Variants in CCDC93 observed in about 807,000 individuals in gnomAD.
CCDC93 encodes CCC complex scaffolding subunit CCDC93, also known as coiled-coil domain-containing protein 93.
A neutral mutation model predicts 108.2 loss-of-function variants in CCDC93; 61 were observed. The observed-to-expected ratio is 0.56, with a 90% confidence interval of 0.46 to 0.70. The LOEUF (loss-of-function observed/expected upper bound fraction) is 0.70. CCDC93 is among the 30% of genes least tolerant of loss of function. The probability of loss-of-function intolerance (pLI) is 0.00; values close to 1 mark genes in which losing one functional copy is unlikely to be tolerated. For missense variants in CCDC93, 685 were observed against 764.2 expected, an observed-to-expected ratio of 0.90 and a Z score of 1.22; for synonymous variants, 276 against 260.4, an observed-to-expected ratio of 1.06 and a Z score of -0.58.
At chr2:117,960,815 T>C (rs1183746672) in intron 11 of CCDC93, among the ~76,000 whole-genome samples, 4 of 152,220 alleles carry the variant, frequency 2.6e-5, no homozygotes, top group African/African-American at 7.2e-5. Context: ...GATTATACAG[T>C]GACATCTTCC....
At chr2:117,949,844 C>T (rs139865416) in intron 13 of CCDC93, 1 of 985,250 alleles carries the variant, frequency 1.0e-6, no homozygotes, top group South Asian at 4.7e-5. Flanking sequence ...TTTAACCTCA[C>T]AGGCCAAAAA....
rs537961053 is a variant in CCDC93, at chr2:117,953,966, G to A, written c.1006-1531C>T. 5.3e-5 allele frequency among the ~76,000 whole-genome samples: 8 copies of A among 152,242 alleles called. No homozygotes were observed. In the South Asian group the frequency reaches 6.2e-4, roughly 12 times the overall value. On this transcript the variant is annotated intron_variant, in intron 12 of 23. Transcript: ENST00000376300. ...CCACCATGTGAGGAAGCAGCAACTA[G>A]GCATCATCTATGGACATCAGACACC...
chr2:118,005,965 GA>G (rs1676855278), intron 3 of CCDC93, among the ~76,000 whole-genome samples: 1 of 152,116 alleles, frequency 6.6e-6, no homozygotes, highest in Admixed American at 6.5e-5. Context: ...CCAACAGTAG[GA>G]AAACAAAGCA....
At chr2:117,957,347 A>G (rs975394507) in intron 12 of CCDC93, among the ~76,000 whole-genome samples, 2 of 152,142 alleles carry the variant, frequency 1.3e-5, no homozygotes, top group Non-Finnish European at 2.9e-5. Context: ...AAATATATGA[A>G]GGTCTTTCCA....
chr2:118,005,483 G>T (rs1403933806), intron 3 of CCDC93, among the ~76,000 whole-genome samples: 1 of 152,146 alleles, frequency 6.6e-6, no homozygotes, highest in Non-Finnish European at 1.5e-5. Flanking sequence ...AGAAGCATAG[G>T]CCAGGTGCGG....
intron 6 of CCDC93, among the ~76,000 whole-genome samples, chr2:117,988,320 A>G (rs1680379412): frequency 6.6e-6 from 1 of 152,048 alleles, no homozygotes; most frequent in Non-Finnish European, 1.5e-5. Context: ...ACATTCCTCA[A>G]TGCAGGGAAG....
chr2:117,932,700 T>C (rs1046540509), intron 22 of CCDC93, among the ~76,000 whole-genome samples: 5 of 152,220 alleles, frequency 3.3e-5, no homozygotes, highest in African/African-American at 1.2e-4. Flanking sequence ...CAGCAAGTCC[T>C]GATCCCTGTC....
rs1035962026 is a variant in CCDC93 at position 117,924,824 on chromosome 2, T to C, written c.1843-4428A>G. 7.2e-5 allele frequency among the ~76,000 whole-genome samples: 11 copies of C among 152,212 alleles called. No homozygotes were observed. In the East Asian group the frequency reaches 1.2e-3, roughly 16 times the overall value. ...AGAAGAGCAACTCCAAGACACATAA[T>C]TGTCAGATTCACCAAAGTTGAAATG... On this transcript the variant is annotated intron_variant, in intron 23 of 23. Transcript: ENST00000376300.
intron 23 of CCDC93, 125 bp downstream of exon 23, chr2:117,930,910 ACT>A (rs1420413359): frequency 1.3e-5 from 8 of 618,970 alleles, no homozygotes; most frequent in Non-Finnish European, 2.3e-5. Flanking sequence ...GCCAGATCAC[ACT>A]CTGTCTTGTT....
At chr2:118,000,731 C>G (rs939028065) in intron 4 of CCDC93, 90 bp downstream of exon 4, 13 of 775,578 alleles carry the variant, frequency 1.7e-5, no homozygotes, top group Non-Finnish European at 2.7e-5. Flanking sequence ...CATTCAGGAT[C>G]CAGGACAGAC....
intron 14 of CCDC93, among the ~76,000 whole-genome samples, chr2:117,948,506 G>A (rs1326351833): frequency 6.6e-6 from 1 of 152,080 alleles, no homozygotes; most frequent in East Asian, 1.9e-4. Flanking sequence ...ACTGTATTCG[G>A]GGCATATACA....
In CCDC93 at chr2:117,920,283, G is replaced by T; in HGVS notation, c.*60C>A. The T allele has an allele frequency of 1.8e-6, 2 of 1,107,746 alleles. No homozygotes were observed. The highest frequency in any genetic ancestry group is 2.7e-6 in the Non-Finnish European group (2 of 730,780). The allele number at this position is 1,107,746 out of a possible 1,614,324, so 68.6% of individuals were successfully genotyped here. ...GCTTTCAGAACCATTTCATGATCTT[G>T]TAGGTGATATACGGTGCTTAAAAGT... On this transcript the variant is annotated 3_prime_UTR_variant, in exon 24 of 24. Coordinates refer to ENST00000376300, the MANE Select transcript of CCDC93 (RefSeq NM_019044.5).
At chr2:117,961,818 A>G (rs1051399601) in intron 11 of CCDC93, among the ~76,000 whole-genome samples, 1 of 152,258 alleles carries the variant, frequency 6.6e-6, no homozygotes, top group Non-Finnish European at 1.5e-5. Flanking sequence ...TAAACCGTAG[A>G]GCATCTTAAC....
At chr2:117,963,799 A>G (rs1205224387) in intron 11 of CCDC93, among the ~76,000 whole-genome samples, 1 of 152,202 alleles carries the variant, frequency 6.6e-6, no homozygotes, top group Non-Finnish European at 1.5e-5. Context: ...GAAATTCAAC[A>G]GTTTTTTCAT....
intron 23 of CCDC93, chr2:117,921,888 T>C (rs1236549829): frequency 2.6e-5 from 4 of 151,842 alleles, no homozygotes; most frequent in Admixed American, 1.3e-4. Flanking sequence ...CTGACACTTT[T>C]GAGCACCTTT....
At chr2:117,973,075 T>C (rs1421327831) in intron 11 of CCDC93, among the ~76,000 whole-genome samples, 1 of 152,170 alleles carries the variant, frequency 6.6e-6, no homozygotes. Context: ...CCCAAAAGTC[T>C]TGGGGGTGTT....
intron 5 of CCDC93, 65 bp downstream of exon 5, chr2:117,996,199 A>C: frequency 7.4e-5 from 81 of 1,089,536 alleles, no homozygotes; most frequent in Non-Finnish European, 1.0e-4. Flanking sequence ...GCTCCTTGCT[A>C]GAGAGTCTCT....
chr2:117,959,904 A>G (rs1053149500), intron 11 of CCDC93, among the ~76,000 whole-genome samples: 2 of 152,232 alleles, frequency 1.3e-5, no homozygotes, highest in African/African-American at 4.8e-5. Flanking sequence ...GGAGAAGGAC[A>G]AACTATTTCT....
intron 6 of CCDC93, among the ~76,000 whole-genome samples, chr2:117,987,420 A>C (rs920956837): frequency 3.9e-5 from 6 of 152,178 alleles, no homozygotes; most frequent in African/African-American, 1.2e-4. Context: ...CCCTCTCACA[A>C]GACTCATTCT....
Sources: allele counts gnomAD v4.1 joint callset (sites outside exome capture counted in the v4.1 genomes callset), GRCh38; gene constraint gnomAD v4.1.1; transcripts MANE v1.5; gene names NCBI Gene and HGNC (gene_info 2026-07-23, HGNC 2026-07-21).